MGAT4C: variants seen among roughly 807,000 people sequenced by gnomAD.
The protein encoded by MGAT4C is MGAT4 family member C, also known as alpha-1,3-mannosyl-glycoprotein 4-beta-N-acetylglucosaminyltransferase C.
In MGAT4C, 19 loss-of-function variants were observed where a neutral mutation model predicts 40.1. The observed-to-expected ratio is 0.47, with a 90% CI of 0.33 to 0.70. The LOEUF (loss-of-function observed/expected upper bound fraction) is 0.70. Among genes scored for constraint, MGAT4C ranks in the 30% least tolerant of loss-of-function variants. MGAT4C has a pLI of 0.02. For missense variants in MGAT4C, 491 were observed against 563.2 expected, an observed-to-expected ratio of 0.87 and a Z score of 1.30; for synonymous variants, 181 against 187.1, an observed-to-expected ratio of 0.97 and a Z score of 0.27.
chr12:86,337,223 A>G (rs1322324135), intron 3 of MGAT4C, among the ~76,000 whole-genome samples: 1 of 152,150 alleles, frequency 6.6e-6, no homozygotes, highest in African/African-American at 2.4e-5. Flanking sequence ...TGTTTGAAGA[A>G]AACAGAAATT....
At chr12:85,982,001 A>G (rs1884650636) in intron 4 of MGAT4C, among the ~76,000 whole-genome samples, 1 of 152,216 alleles carries the variant, frequency 6.6e-6, no homozygotes, top group Non-Finnish European at 1.5e-5. Flanking sequence ...AAATGGTAGA[A>G]TGAAAGGAAA....
At chr12:86,318,661 C>T (rs1015955645) in intron 4 of MGAT4C, among the ~76,000 whole-genome samples, 3 of 152,064 alleles carry the variant, frequency 2.0e-5, no homozygotes, top group Admixed American at 6.5e-5. Flanking sequence ...CTATATTATA[C>T]TATGTTGTAT....
At chr12:86,462,916 T>C (rs1398772306) in intron 2 of MGAT4C, among the ~76,000 whole-genome samples, 1 of 152,264 alleles carries the variant, frequency 6.6e-6, no homozygotes, top group East Asian at 1.9e-4. Flanking sequence ...TTGACTCAAA[T>C]GTGAATCTCC....
At chr12:86,593,382 C>T (rs1175380852) in intron 2 of MGAT4C, among the ~76,000 whole-genome samples, 1 of 151,900 alleles carries the variant, frequency 6.6e-6, no homozygotes, top group Non-Finnish European at 1.5e-5. Flanking sequence ...TTAATTTCTG[C>T]TCTAATTTTC....
At chr12:86,087,768 T>A (rs1825023312) in intron 1 of MGAT4C, among the ~76,000 whole-genome samples, 1 of 152,046 alleles carries the variant, frequency 6.6e-6, no homozygotes, top group South Asian at 2.1e-4. Flanking sequence ...GGGAAAACAT[T>A]CCATGCTTGT....
chr12:86,557,660 G>C (rs1959676523), intron 2 of MGAT4C, among the ~76,000 whole-genome samples: 1 of 152,124 alleles, frequency 6.6e-6, no homozygotes, highest in South Asian at 2.1e-4. Context: ...CTACATAACA[G>C]TACCTGCTCA....
chr12:86,349,249 G>C (rs1172422656), intron 3 of MGAT4C, among the ~76,000 whole-genome samples: 1 of 152,114 alleles, frequency 6.6e-6, no homozygotes, highest in African/African-American at 2.4e-5. Flanking sequence ...CTTGCTCAGA[G>C]AAGCTACTTC....
Position 86,646,222 on chromosome 12 carries a change from G to T in MGAT4C, c.-229+80987C>A, listed in dbSNP as rs994595400. ...TTAGCGAAGCAGCATTGGTTAGAAA[G>T]GTGGTAAAATGGCTATGGTTAAAGA... On this transcript the variant is annotated intron_variant, in intron 2 of 7. Transcript: ENST00000548651. Among the ~76,000 whole-genome samples the T allele has an allele frequency of 3.3e-5, 5 of 151,922 alleles. No homozygotes were observed. In the East Asian group the frequency reaches 9.7e-4, roughly 30 times the overall value.
intron 2 of MGAT4C, among the ~76,000 whole-genome samples, chr12:86,706,346 C>T (rs1950458119): frequency 6.6e-6 from 1 of 152,026 alleles, no homozygotes; most frequent in South Asian, 2.1e-4. Context: ...TTTTTTAGGG[C>T]TATTTTAATT....
chr12:86,569,007 G>T (rs138778451), intron 2 of MGAT4C, among the ~76,000 whole-genome samples: 6 of 151,754 alleles, frequency 4.0e-5, no homozygotes, highest in Admixed American at 6.6e-5. Flanking sequence ...ATATGTACAT[G>T]AATAAATTTA....
intron 1 of MGAT4C, among the ~76,000 whole-genome samples, chr12:86,241,038 T>G (rs985163461): frequency 2.2e-4 from 33 of 152,200 alleles, no homozygotes; most frequent in African/African-American, 8.0e-4. Flanking sequence ...TGTCTGACGT[T>G]CATGATTAGT....
At chr12:86,806,454 G>A (rs1952355532) in intron 1 of MGAT4C, among the ~76,000 whole-genome samples, 1 of 151,662 alleles carries the variant, frequency 6.6e-6, no homozygotes, top group African/African-American at 2.4e-5. Flanking sequence ...GTGTGTGAGA[G>A]AGAGAGTATA....
intron 2 of MGAT4C, among the ~76,000 whole-genome samples, chr12:86,649,119 G>C (rs768437614): frequency 6.6e-6 from 1 of 151,638 alleles, no homozygotes; most frequent in South Asian, 2.1e-4. Flanking sequence ...ATTTCTGTTT[G>C]CTCTCATATA....
chr12:86,184,798 G>A (rs942442439), intron 1 of MGAT4C, among the ~76,000 whole-genome samples: 1 of 145,882 alleles, frequency 6.9e-6, no homozygotes, highest in Admixed American at 6.9e-5. Flanking sequence ...CCAGCCTCCT[G>A]CACTAGGCTC....
intron 1 of MGAT4C, among the ~76,000 whole-genome samples, chr12:86,192,256 T>C (rs922623866): frequency 6.6e-6 from 1 of 152,022 alleles, no homozygotes; most frequent in Non-Finnish European, 1.5e-5. Context: ...AAAAAGTATA[T>C]AATGTCCAAA....
At chr12:86,021,197 A>G (rs1259905013) in intron 2 of MGAT4C, among the ~76,000 whole-genome samples, 2 of 152,158 alleles carry the variant, frequency 1.3e-5, no homozygotes, top group African/African-American at 2.4e-5. Context: ...TCAGGGACCT[A>G]GAACTAGAAA....
At chr12:86,280,757 T>C (rs1410978979) in intron 4 of MGAT4C, among the ~76,000 whole-genome samples, 3 of 151,972 alleles carry the variant, frequency 2.0e-5, no homozygotes, top group South Asian at 4.1e-4. Flanking sequence ...AAAAATAACT[T>C]TGTTTTCTTT....
chr12:86,009,042 T>C (rs893649114), intron 2 of MGAT4C, among the ~76,000 whole-genome samples: 1 of 152,136 alleles, frequency 6.6e-6, no homozygotes, highest in Non-Finnish European at 1.5e-5. Flanking sequence ...TTTTCTTTTT[T>C]ATTTTCCAAT....
At chr12:86,664,381 T>C (rs1167525007) in intron 2 of MGAT4C, among the ~76,000 whole-genome samples, 1 of 152,166 alleles carries the variant, frequency 6.6e-6, no homozygotes, top group East Asian at 1.9e-4. Context: ...ATGACTTAAT[T>C]TGAAATTTCA....
Sources: gnomAD v4.1 joint callset for allele counts (sites outside exome capture counted in the v4.1 genomes callset) on GRCh38, gnomAD v4.1.1 for gene constraint, MANE v1.5 for transcripts, NCBI Gene and HGNC (gene_info 2026-07-23, HGNC 2026-07-21) for gene names.